Variants in PTPRM observed in about 807,000 individuals in gnomAD.
The protein encoded by PTPRM is receptor-type tyrosine-protein phosphatase mu.
Under a neutral mutation model 186.7 loss-of-function variants are expected in PTPRM, and 47 were observed. The ratio of observed to expected loss-of-function variants is 0.25; its 90% confidence interval spans 0.20 to 0.32. The LOEUF (loss-of-function observed/expected upper bound fraction) is 0.32. Ranked by LOEUF, PTPRM falls within the 10% of genes least tolerant of loss-of-function variation. The pLI, the probability that PTPRM is intolerant of heterozygous loss-of-function variation, is 1.00. For synonymous variants in PTPRM, 668 were observed against 674.9 expected (o/e 0.99, Z 0.16); for missense variants, 1,494 against 1,865.0 (o/e 0.80, Z 3.66).
At chr18:8,367,677 G>A (rs4797313) in intron 23 of PTPRM, among the ~76,000 whole-genome samples, 35,293 of 152,240 alleles carry the variant, frequency 0.23, 5,050 homozygotes, top group East Asian at 0.52. Context: ...GTCGGATTTC[G>A]GATGGAACCA....
chr18:8,229,426 A>C (rs1045333140), intron 14 of PTPRM, among the ~76,000 whole-genome samples: 1 of 152,208 alleles, frequency 6.6e-6, no homozygotes, highest in South Asian at 2.1e-4. Flanking sequence ...ACAGTTAGAA[A>C]ACTTTAGGTA....
intron 1 of PTPRM, among the ~76,000 whole-genome samples, chr18:7,654,894 G>T (rs182251913): frequency 6.6e-6 from 1 of 152,122 alleles, no homozygotes; most frequent in Non-Finnish European, 1.5e-5. Context: ...GATGCCTCTA[G>T]ATTTTGTTCT....
chr18:7,686,570 C>CAAAA (rs34267435), intron 1 of PTPRM, among the ~76,000 whole-genome samples: 4 of 136,346 alleles, frequency 2.9e-5, no homozygotes, highest in African/African-American at 5.3e-5. Context: ...AACGGATTGC[C>CAAAA]AAAAAAAAAA....
intron 1 of PTPRM, among the ~76,000 whole-genome samples, chr18:7,587,199 T>A (rs1334684313): frequency 6.6e-6 from 1 of 152,208 alleles, no homozygotes; most frequent in African/African-American, 2.4e-5. Context: ...TTGGAAGAAT[T>A]GTTTCAGAAA....
chr18:7,786,446 T>G (rs778669838), intron 2 of PTPRM, among the ~76,000 whole-genome samples: 1 of 152,232 alleles, frequency 6.6e-6, no homozygotes, highest in African/African-American at 2.4e-5. Flanking sequence ...TTCCTTGCTT[T>G]GTATCTTTCC....
chr18:8,009,007 G>T (rs2084358120), intron 7 of PTPRM, among the ~76,000 whole-genome samples: 1 of 152,222 alleles, frequency 6.6e-6, no homozygotes, highest in South Asian at 2.1e-4. Flanking sequence ...CCTCAAAGGA[G>T]ATGCTGTAGT....
At chr18:7,854,848 G>A (rs765446970) in intron 2 of PTPRM, among the ~76,000 whole-genome samples, 10 of 151,306 alleles carry the variant, frequency 6.6e-5, no homozygotes, top group Non-Finnish European at 1.2e-4. Flanking sequence ...AAGCTTCACT[G>A]CTTATTGCTT....
intron 7 of PTPRM, among the ~76,000 whole-genome samples, chr18:8,065,725 C>T (rs2089016828): frequency 6.6e-6 from 1 of 152,146 alleles, no homozygotes; most frequent in Non-Finnish European, 1.5e-5. Context: ...ACTAGTGGTC[C>T]TATGAATACC....
At chr18:7,663,233 G>A (rs932199264) in intron 1 of PTPRM, among the ~76,000 whole-genome samples, 18 of 152,148 alleles carry the variant, frequency 1.2e-4, no homozygotes, top group Non-Finnish European at 2.6e-4. Context: ...CAGCATCATT[G>A]CACACTTTCC....
At chr18:7,805,569 A>G (rs576558162) in intron 2 of PTPRM, among the ~76,000 whole-genome samples, 4 of 152,220 alleles carry the variant, frequency 2.6e-5, no homozygotes, top group East Asian at 1.9e-4. Flanking sequence ...TTGAGAAGCA[A>G]TTTTTCTCAA....
intron 14 of PTPRM, among the ~76,000 whole-genome samples, chr18:8,151,794 C>T (rs1263410380): frequency 6.6e-6 from 1 of 151,964 alleles, no homozygotes; most frequent in Non-Finnish European, 1.5e-5. Flanking sequence ...GGTTAGGCGC[C>T]AGAGGGGATC....
rs538627307 is a variant in PTPRM, at chr18:8,237,943, G to A, written c.2301-6115G>A. Among the ~76,000 whole-genome samples, 45 of 137,086 alleles carry A rather than the reference G, an allele frequency of 3.3e-4. 1 individual carries two copies. In the South Asian group the frequency reaches 9.7e-3, roughly 29 times the overall value. The allele number at this position is 137,086 out of a possible 152,430, so 89.9% of individuals were successfully genotyped here. On this transcript the variant is annotated intron_variant, in intron 14 of 32. Coordinates refer to ENST00000580170, the MANE Select transcript of PTPRM (RefSeq NM_001105244.2). ...TTATCCTCACTCCTCTGTAAGTAAC[G>A]TGTTTTCCCCCCTTGGATTTTTTTT...
intron 11 of PTPRM, among the ~76,000 whole-genome samples, chr18:8,089,623 T>A (rs1454562102): frequency 6.6e-6 from 1 of 152,196 alleles, no homozygotes; most frequent in African/African-American, 2.4e-5. Flanking sequence ...TTCAGAGTCA[T>A]CTATTACTTT....
At chr18:8,076,598 G>A in intron 9 of PTPRM, 34 bp downstream of exon 9, 1 of 1,090,358 alleles carries the variant, frequency 9.2e-7, no homozygotes, top group Non-Finnish European at 1.4e-6. Flanking sequence ...TTTTTAATTA[G>A]AAATACTCAT....
intron 2 of PTPRM, among the ~76,000 whole-genome samples, chr18:7,849,207 G>T (rs1369145292): frequency 6.6e-6 from 1 of 152,306 alleles, no homozygotes; most frequent in East Asian, 1.9e-4. Flanking sequence ...TTCACTTTGG[G>T]TTAAATTCCT....
intron 1 of PTPRM, among the ~76,000 whole-genome samples, chr18:7,579,731 A>G (rs986373971): frequency 6.6e-6 from 1 of 152,178 alleles, no homozygotes; most frequent in Non-Finnish European, 1.5e-5. Context: ...TTTTGAGATG[A>G]CTCATTCAGG....
chr18:7,912,035 A>G (rs2050300776), intron 4 of PTPRM, among the ~76,000 whole-genome samples: 1 of 151,750 alleles, frequency 6.6e-6, no homozygotes, highest in Admixed American at 6.6e-5. Flanking sequence ...TATTTTTAGT[A>G]GAGACGCGGT....
At chr18:7,758,679 T>C (rs1166688880) in intron 1 of PTPRM, among the ~76,000 whole-genome samples, 5 of 152,214 alleles carry the variant, frequency 3.3e-5, no homozygotes. Context: ...AATGAAGGTC[T>C]TTATTACTAA....
chr18:7,726,763 G>A (rs2040558089), intron 1 of PTPRM, among the ~76,000 whole-genome samples: 1 of 152,130 alleles, frequency 6.6e-6, no homozygotes, highest in Non-Finnish European at 1.5e-5. Context: ...GGTACATTGA[G>A]GGTATCAGTT....
Sources: allele counts gnomAD v4.1 joint callset (sites outside exome capture counted in the v4.1 genomes callset), GRCh38; gene constraint gnomAD v4.1.1; transcripts MANE v1.5; gene names NCBI Gene and HGNC (gene_info 2026-07-23, HGNC 2026-07-21).